LINGO1: variants seen among roughly 807,000 people sequenced by gnomAD.
The protein encoded by LINGO1 is leucine rich repeat and Ig domain containing 1.
Under a neutral mutation model 37.3 loss-of-function variants are expected in LINGO1, and 11 were observed. That is an observed-to-expected ratio of 0.29 (90% CI 0.19 to 0.49). The LOEUF (loss-of-function observed/expected upper bound fraction) is 0.49. Among genes scored for constraint, LINGO1 ranks in the 20% least tolerant of loss-of-function variants. The pLI is 0.99. For missense variants in LINGO1, 585 were observed against 878.2 expected (o/e 0.67, Z 4.22); for synonymous variants, 387 against 403.0 (o/e 0.96, Z 0.48).
upstream of LINGO1, chr15:77,788,626 A>G (rs1487708758): frequency 6.6e-6 from 1 of 152,272 alleles, no homozygotes. Context: ...TCTAGCATGC[A>G]GCTGAGCTTA....
intron 1 of LINGO1, among the ~76,000 whole-genome samples, chr15:77,781,843 C>T (rs1321055088): frequency 2.0e-5 from 3 of 152,216 alleles, no homozygotes; most frequent in Admixed American, 6.5e-5. Context: ...AAGCCTCTCT[C>T]GCCCTCAGGG....
chr15:77,795,221 A>G (rs1409156355), intron 2 of LINGO1, among the ~76,000 whole-genome samples: 1 of 152,174 alleles, frequency 6.6e-6, no homozygotes, highest in Non-Finnish European at 1.5e-5. Flanking sequence ...GCCGGGGTCA[A>G]GCCAGGCAGC....
chr15:77,666,206 A>C (rs1265456683), intron 3 of LINGO1, among the ~76,000 whole-genome samples: 1 of 152,260 alleles, frequency 6.6e-6, no homozygotes, highest in Non-Finnish European at 1.5e-5. Context: ...CAAGTTTCCG[A>C]GGTCCCCTTT....
intron 2 of LINGO1, among the ~76,000 whole-genome samples, chr15:77,720,013 C>T (rs1263591982): frequency 1.3e-5 from 2 of 150,224 alleles, no homozygotes; most frequent in Admixed American, 1.3e-4. Flanking sequence ...TTGTTCCCTT[C>T]CACTCAGTCT....
intron 3 of LINGO1, among the ~76,000 whole-genome samples, chr15:77,668,477 C>T (rs139247431): frequency 1.3e-5 from 2 of 152,294 alleles, no homozygotes; most frequent in Non-Finnish European, 2.9e-5. Flanking sequence ...TCACGCAGGG[C>T]AGCCCTTCAT....
intron 3 of LINGO1, among the ~76,000 whole-genome samples, chr15:77,647,609 G>A (rs1199227101): frequency 2.6e-5 from 4 of 152,204 alleles, no homozygotes; most frequent in Non-Finnish European, 5.9e-5. Flanking sequence ...CCTGCAGGGT[G>A]GGCCTGCTGG....
intron 1 of LINGO1, among the ~76,000 whole-genome samples, chr15:77,765,818 G>T (rs1203331459): frequency 6.6e-6 from 1 of 152,250 alleles, no homozygotes; most frequent in East Asian, 1.9e-4. Flanking sequence ...CTGCCATTGG[G>T]GCTTCCCTGT....
At chr15:77,705,174 G>GACACACACACACACACACACACACACAC (rs72451354) in intron 2 of LINGO1, among the ~76,000 whole-genome samples, 3,139 of 98,558 alleles carry the variant, frequency 0.032, 165 homozygotes, top group Non-Finnish European at 0.04. Flanking sequence ...CCCCTGCCAT[G>GACACACACACACACACACACACACACAC]ACACACACAC....
At chr15:77,680,277 T>G (rs532252284) in intron 2 of LINGO1, among the ~76,000 whole-genome samples, 1 of 152,266 alleles carries the variant, frequency 6.6e-6, no homozygotes, top group East Asian at 1.9e-4. Flanking sequence ...TGAGTTCATG[T>G]GGTAAACGGA....
upstream of LINGO1, chr15:77,787,942 C>A (rs1212119511): frequency 6.6e-6 from 1 of 152,230 alleles, no homozygotes; most frequent in African/African-American, 2.4e-5. Context: ...GCAACAGCTG[C>A]CAACCTCCCG....
chr15:77,638,748 AG>A (rs1183169235), upstream of LINGO1, among the ~76,000 whole-genome samples: 1 of 152,092 alleles, frequency 6.6e-6, no homozygotes, highest in African/African-American at 2.4e-5. Flanking sequence ...GTGTCACCCT[AG>A]GCAAGTCACT....
At chr15:77,625,862 C>A (rs1167811376) in intron 1 of LINGO1, among the ~76,000 whole-genome samples, 1 of 152,190 alleles carries the variant, frequency 6.6e-6, no homozygotes, top group African/African-American at 2.4e-5. Context: ...GTGGGGACGG[C>A]AGACTTCACA....
At chr15:77,725,313 C>T (rs777170789) in intron 2 of LINGO1, among the ~76,000 whole-genome samples, 1 of 152,208 alleles carries the variant, frequency 6.6e-6, no homozygotes, top group Non-Finnish European at 1.5e-5. Flanking sequence ...CCCAACACTT[C>T]AGGAGGCCAA....
intron 2 of LINGO1, among the ~76,000 whole-genome samples, chr15:77,681,375 T>C (rs983597288): frequency 6.6e-6 from 1 of 152,110 alleles, no homozygotes; most frequent in Non-Finnish European, 1.5e-5. Context: ...GATGCAAGGA[T>C]GGCTCCTGGC....
intron 3 of LINGO1, among the ~76,000 whole-genome samples, chr15:77,670,241 CG>C (rs1194857299): frequency 6.6e-6 from 1 of 152,044 alleles, no homozygotes; most frequent in Non-Finnish European, 1.5e-5. Flanking sequence ...GGTTTCCTTT[CG>C]GGGTGATGAA....
rs1437955801 is a variant in LINGO1, at chr15:77,717,279, G to A, written c.-195+17713C>T. 2.7e-5 allele frequency among the ~76,000 whole-genome samples: 4 copies of A among 150,898 alleles called. 1 individual carries two copies. Among genetic ancestry groups the A allele is most frequent in the Admixed American group, 2.0e-4 (3 of 15,110 alleles). Reference sequence around the variant, plus strand: ...CGAAAGCATTAAGCGTCTTCAAAGAGCAGAGGCATTAAAAATTGAAATCAT... The same window carrying A: ...CGAAAGCATTAAGCGTCTTCAAAGAACAGAGGCATTAAAAATTGAAATCAT... On this transcript the variant is annotated intron_variant, in intron 2 of 3. Transcript: ENST00000561686.
intron 2 of LINGO1, among the ~76,000 whole-genome samples, chr15:77,724,103 C>T (rs973715180): frequency 3.9e-5 from 6 of 152,086 alleles, no homozygotes; most frequent in African/African-American, 1.2e-4. Context: ...TCCTTGCACC[C>T]GGAGCAGGAG....
upstream of LINGO1, among the ~76,000 whole-genome samples, chr15:77,789,606 C>T (rs1429388155): frequency 2.0e-5 from 3 of 151,836 alleles, no homozygotes; most frequent in East Asian, 3.9e-4. Context: ...GACTCCATCT[C>T]AAAAAAATAA....
chr15:77,626,550 G>A (rs2074095561), intron 1 of LINGO1, among the ~76,000 whole-genome samples: 2 of 152,194 alleles, frequency 1.3e-5, no homozygotes, highest in South Asian at 4.1e-4. Context: ...GGAATGTCCT[G>A]TTCAGGCACA....
Sources: allele counts gnomAD v4.1 joint callset (sites outside exome capture counted in the v4.1 genomes callset), GRCh38; gene constraint gnomAD v4.1.1; transcripts MANE v1.5; gene names NCBI Gene and HGNC (gene_info 2026-07-23, HGNC 2026-07-21).